Variants in ZSWIM5 observed in about 807,000 individuals in gnomAD.
ZSWIM5 encodes zinc finger SWIM domain-containing protein 5.
A neutral mutation model predicts 119.6 loss-of-function variants in ZSWIM5; 55 were observed. The observed-to-expected ratio is 0.46, with a 90% CI of 0.37 to 0.58. ZSWIM5 has a LOEUF of 0.58. Among genes scored for constraint, ZSWIM5 ranks in the 20% least tolerant of loss-of-function variants. The pLI is 0.00. For missense variants in ZSWIM5, 1,193 were observed against 1,512.8 expected (o/e 0.79, Z 3.51); for synonymous variants, 537 against 606.9 (o/e 0.88, Z 1.69).
Position 45,035,330 on chromosome 1 carries a change from T to G in ZSWIM5, c.2291+358A>C, listed in dbSNP as rs527824635. Among the ~76,000 whole-genome samples, 33 of 152,292 alleles carry G rather than the reference T, an allele frequency of 2.2e-4. No homozygotes were observed. The South Asian group carries it at 6.4e-3, about 30-fold the overall frequency. On this transcript the variant is annotated intron_variant, in intron 10 of 13. Transcript: ENST00000359600. Reference sequence around the variant, plus strand: ...CTTCCCCCAGCTTCTTCTGGGGACCTGTGCCTGGGAACCTTGACTGAGTTG... The same window carrying G: ...CTTCCCCCAGCTTCTTCTGGGGACCGGTGCCTGGGAACCTTGACTGAGTTG...
At chr1:45,040,359 C>G in intron 7 of ZSWIM5, 33 bp downstream of exon 7, 1 of 1,565,032 alleles carries the variant, frequency 6.4e-7, no homozygotes, top group Non-Finnish European at 8.6e-7. Context: ...AGCTTTGGGC[C>G]TAAGGGGGTT....
intron 1 of ZSWIM5, among the ~76,000 whole-genome samples, chr1:45,144,652 GCA>G (rs1645750430): frequency 6.6e-6 from 1 of 152,092 alleles, no homozygotes. Context: ...ACATCAATAA[GCA>G]AAATGAATAA....
At chr1:45,138,835 C>T (rs1051951854) in intron 1 of ZSWIM5, among the ~76,000 whole-genome samples, 1 of 151,796 alleles carries the variant, frequency 6.6e-6, no homozygotes, top group Non-Finnish European at 1.5e-5. Flanking sequence ...ATGACAAGGA[C>T]TTATGAAAAG....
Position 45,085,170 on chromosome 1 carries a change from G to A in ZSWIM5, c.952+2711C>T, listed in dbSNP as rs555129768. Among the ~76,000 whole-genome samples, 5 of 152,306 alleles carry A rather than the reference G, an allele frequency of 3.3e-5. No homozygotes were observed. In the South Asian group the frequency reaches 1.0e-3, roughly 32 times the overall value. ...TATGGCTTGCACCCTCTGGAGCTGC[G>A]GCCTAAGACATATCTGGGGCCCTTT... On this transcript the variant is annotated intron_variant, in intron 2 of 13. Coordinates refer to ENST00000359600, the MANE Select transcript of ZSWIM5 (RefSeq NM_020883.2).
chr1:45,190,387 A>G (rs1646084370), intron 1 of ZSWIM5, among the ~76,000 whole-genome samples: 1 of 152,206 alleles, frequency 6.6e-6, no homozygotes, highest in Non-Finnish European at 1.5e-5. Context: ...ATTCTGGCTA[A>G]GAATCCATAA....
intron 2 of ZSWIM5, 64 bp downstream of exon 2, chr1:45,087,817 G>T: frequency 8.4e-7 from 1 of 1,190,434 alleles, no homozygotes; most frequent in Non-Finnish European, 1.2e-6. Flanking sequence ...AGGTAAGAGG[G>T]TTGCTTTGGT....
chr1:45,029,950 C>T (rs944523263), intron 11 of ZSWIM5, among the ~76,000 whole-genome samples: 14 of 152,006 alleles, frequency 9.2e-5, no homozygotes, highest in African/African-American at 3.4e-4. Flanking sequence ...TTTTTTTCGA[C>T]CCACCTACCT....
chr1:45,053,797 G>A (rs1645104721), intron 4 of ZSWIM5, among the ~76,000 whole-genome samples: 1 of 133,352 alleles, frequency 7.5e-6, no homozygotes, highest in African/African-American at 2.7e-5. Flanking sequence ...TCCCTAGAAA[G>A]TGAGCACAAG....
chr1:45,085,166 C>G (rs767328915), intron 2 of ZSWIM5, among the ~76,000 whole-genome samples: 1 of 152,250 alleles, frequency 6.6e-6, no homozygotes, highest in Non-Finnish European at 1.5e-5. Flanking sequence ...CCCTCTGGAG[C>G]TGCGGCCTAA....
chr1:45,205,626 T>G lies in ZSWIM5; in HGVS notation c.595+130A>C, dbSNP rs765729386. The G allele has an allele frequency of 8.3e-4, 831 of 1,006,094 alleles. 1 individual carries two copies. The highest frequency in any genetic ancestry group is 9.8e-4 in the South Asian group (50 of 51,254). The allele number at this position is 1,006,094 out of a possible 1,614,324, so 62.3% of individuals were successfully genotyped here. On this transcript the variant is annotated intron_variant, in intron 1 of 13. Transcript: ENST00000359600. ...AAAGGTTGAAAAAAGTTTTTGTGACTTGTTCGTCCTTCGGCAGGGGTACAG... is the reference window on the plus strand; with the variant it reads ...AAAGGTTGAAAAAAGTTTTTGTGACGTGTTCGTCCTTCGGCAGGGGTACAG...
chr1:45,166,711 C>T (rs1260320634), intron 1 of ZSWIM5, among the ~76,000 whole-genome samples: 1 of 152,040 alleles, frequency 6.6e-6, no homozygotes, highest in East Asian at 1.9e-4. Flanking sequence ...TGAGTGAACT[C>T]CCATTCACAA....
intron 4 of ZSWIM5, 52 bp from the exon 5 acceptor site, chr1:45,051,305 T>C: frequency 6.7e-7 from 1 of 1,493,988 alleles, no homozygotes; most frequent in Non-Finnish European, 9.0e-7. Context: ...GATGTGTGTG[T>C]AAGCCTTAAT....
intron 12 of ZSWIM5, 61 bp from the exon 13 acceptor site, chr1:45,020,208 C>T: frequency 2.2e-6 from 3 of 1,367,094 alleles, no homozygotes; most frequent in Non-Finnish European, 3.1e-6. Flanking sequence ...TCTCCCTCCC[C>T]TTGCATTCAT....
Position 45,057,604 on chromosome 1 carries a change from G to A in ZSWIM5, c.1252+1005C>T, listed in dbSNP as rs1322700092. ...AAGGACTTAAGATAGAATTGAGGGAGATGTTACAGAGGGATATTTGATTTA... is the reference window on the plus strand; with the variant it reads ...AAGGACTTAAGATAGAATTGAGGGAAATGTTACAGAGGGATATTTGATTTA... On this transcript the variant is annotated intron_variant, in intron 4 of 13. Coordinates refer to ENST00000359600, the MANE Select transcript of ZSWIM5 (RefSeq NM_020883.2). This position sits in a 1 kb window ranked among gnomAD's most constrained non-coding sequence, Gnocchi z 4.7. Among the ~76,000 whole-genome samples, 3 of 152,214 alleles carry A rather than the reference G, an allele frequency of 2.0e-5. No individual in the cohort carries two copies. Among genetic ancestry groups the A allele is most frequent in the Non-Finnish European group, 4.4e-5 (3 of 68,048 alleles).
At chr1:45,121,322 CT>C (rs1322208029) in intron 1 of ZSWIM5, among the ~76,000 whole-genome samples, 2 of 152,162 alleles carry the variant, frequency 1.3e-5, no homozygotes, top group African/African-American at 2.4e-5. Flanking sequence ...TATTCATTGG[CT>C]TCTACTCAAC....
At chr1:45,182,703 C>A (rs1335813841) in intron 1 of ZSWIM5, among the ~76,000 whole-genome samples, 5 of 151,736 alleles carry the variant, frequency 3.3e-5, no homozygotes, top group Admixed American at 6.6e-5. Context: ...AGCTAACTAT[C>A]CTAAATATAT....
chr1:45,105,948 A>C (rs1645472199), intron 1 of ZSWIM5, among the ~76,000 whole-genome samples: 2 of 98,858 alleles, frequency 2.0e-5, no homozygotes, highest in Non-Finnish European at 2.0e-5. Context: ...GTTGCCCCAA[A>C]TGGGAAGTGA....
chr1:45,181,510 G>T (rs917839157), intron 1 of ZSWIM5, among the ~76,000 whole-genome samples: 2 of 147,934 alleles, frequency 1.4e-5, no homozygotes, highest in African/African-American at 2.5e-5. Context: ...AAAACACTGT[G>T]CAGGATATTA....
At chr1:45,051,364 T>TCTG in intron 4 of ZSWIM5, 111 bp from the exon 5 acceptor site, 1 of 1,164,966 alleles carries the variant, frequency 8.6e-7, no homozygotes, top group South Asian at 1.8e-5. Flanking sequence ...AAGCATTATC[T>TCTG]TTTCTTAATA....
Sources: gnomAD v4.1 joint callset for allele counts (sites outside exome capture counted in the v4.1 genomes callset) on GRCh38, gnomAD v4.1.1 for gene constraint, Gnocchi (gnomAD v3.1) non-coding constraint, MANE v1.5 for transcripts, NCBI Gene and HGNC (gene_info 2026-07-23, HGNC 2026-07-21) for gene names.